CAMK1D: variants seen among roughly 807,000 people sequenced by gnomAD.
CAMK1D encodes calcium/calmodulin-dependent protein kinase type 1D.
In CAMK1D, 9 loss-of-function variants were observed where a neutral mutation model predicts 47.7. The observed-to-expected ratio is 0.19, with a 90% CI of 0.11 to 0.33. CAMK1D has a LOEUF of 0.33. CAMK1D is among the 10% of genes least tolerant of loss of function. The pLI, the probability that CAMK1D is intolerant of heterozygous loss-of-function variation, is 1.00. For missense variants in CAMK1D, 291 were observed against 488.7 expected (o/e 0.60, Z 3.81); for synonymous variants, 184 against 184.9 (o/e 0.99, Z 0.04).
intron 2 of CAMK1D, among the ~76,000 whole-genome samples, chr10:12,625,010 C>T (rs997191145): frequency 2.0e-5 from 3 of 151,808 alleles, no homozygotes; most frequent in African/African-American, 7.3e-5. Context: ...CCTCCTCCTC[C>T]TCCTCCTCCT....
chr10:12,781,317 C>T (rs1837481799), intron 5 of CAMK1D, among the ~76,000 whole-genome samples: 1 of 152,262 alleles, frequency 6.6e-6, no homozygotes, highest in Admixed American at 6.5e-5. Context: ...AGCAGGTAGG[C>T]CCCCATGGGA....
At chr10:12,549,939 C>T (rs917131046) in intron 1 of CAMK1D, among the ~76,000 whole-genome samples, 2 of 152,172 alleles carry the variant, frequency 1.3e-5, no homozygotes, top group African/African-American at 2.4e-5. Context: ...TTCCTCCAAG[C>T]GAGGAAATGC....
At chr10:12,633,113 T>C (rs1221458171) in intron 2 of CAMK1D, among the ~76,000 whole-genome samples, 1 of 152,206 alleles carries the variant, frequency 6.6e-6, no homozygotes, top group Non-Finnish European at 1.5e-5. Context: ...GCTCTGATAG[T>C]TACACAGGAG....
intron 1 of CAMK1D, among the ~76,000 whole-genome samples, chr10:12,368,436 G>A (rs543082954): frequency 6.6e-6 from 1 of 152,092 alleles, no homozygotes; most frequent in African/African-American, 2.4e-5. Flanking sequence ...TAAATGAATG[G>A]ATAAGTGGAA....
At chr10:12,535,433 C>A (rs1835938999) in intron 1 of CAMK1D, among the ~76,000 whole-genome samples, 1 of 152,206 alleles carries the variant, frequency 6.6e-6, no homozygotes, top group Non-Finnish European at 1.5e-5. Context: ...GTGGTTAACT[C>A]TACCCCATTA....
At chr10:12,607,512 C>T (rs1403320202) in intron 2 of CAMK1D, among the ~76,000 whole-genome samples, 3 of 152,318 alleles carry the variant, frequency 2.0e-5, no homozygotes, top group Admixed American at 1.3e-4. Context: ...GAGCGGGTCC[C>T]GTGTCTGTCT....
chr10:12,482,439 G>C (rs1412840737), intron 1 of CAMK1D, among the ~76,000 whole-genome samples: 1 of 152,178 alleles, frequency 6.6e-6, no homozygotes, highest in East Asian at 1.9e-4. Context: ...TCCTGCTAAA[G>C]AAATCTCACC....
At chr10:12,623,675 T>C (rs1475542451) in intron 2 of CAMK1D, among the ~76,000 whole-genome samples, 1 of 151,926 alleles carries the variant, frequency 6.6e-6, no homozygotes, top group Non-Finnish European at 1.5e-5. Context: ...TACCGGTAGC[T>C]TAGGCTGAGT....
chr10:12,801,879 C>T (rs1024840943), intron 6 of CAMK1D, among the ~76,000 whole-genome samples: 4 of 152,182 alleles, frequency 2.6e-5, no homozygotes, highest in African/African-American at 7.2e-5. Context: ...GTGGGTGACT[C>T]ATTTCCCCAG....
At chr10:12,575,627 G>T (rs1837468309) in intron 2 of CAMK1D, among the ~76,000 whole-genome samples, 1 of 152,124 alleles carries the variant, frequency 6.6e-6, no homozygotes, top group South Asian at 2.1e-4. Flanking sequence ...CTTATAATTT[G>T]ATCTTTTAGA....
chr10:12,776,238 G>T (rs1156709691), intron 5 of CAMK1D, among the ~76,000 whole-genome samples: 4 of 152,226 alleles, frequency 2.6e-5, no homozygotes, highest in African/African-American at 9.6e-5. Flanking sequence ...GGGTTTGAGA[G>T]AAAGAAAGAA....
rs1835689817 is a variant in CAMK1D at position 12,528,233 on chromosome 10, A to G, written c.93-24992A>G. The stretch of plus-strand genomic sequence containing the variant: ...TCAAAAGTCCACAGACATAACTACA[A>G]TTATACAATAAGAAGAAGCATGTTA... On this transcript the variant is annotated intron_variant, in intron 1 of 10. Coordinates refer to ENST00000619168, the MANE Select transcript of CAMK1D (RefSeq NM_153498.4). 2.0e-5 allele frequency among the ~76,000 whole-genome samples: 3 copies of G among 152,252 alleles called. No homozygotes were observed. The South Asian group carries it at 6.2e-4, about 32-fold the overall frequency.
intron 3 of CAMK1D, among the ~76,000 whole-genome samples, chr10:12,731,586 G>A (rs139214385): frequency 6.6e-6 from 1 of 152,334 alleles, no homozygotes; most frequent in Admixed American, 6.5e-5. Context: ...CCAGAGCCAT[G>A]GCTTTGCCAA....
intron 1 of CAMK1D, among the ~76,000 whole-genome samples, chr10:12,424,618 A>G (rs1564331639): frequency 6.6e-6 from 1 of 152,096 alleles, no homozygotes; most frequent in East Asian, 1.9e-4. Flanking sequence ...TGATTCTCAA[A>G]GTACAAGTCT....
intron 1 of CAMK1D, among the ~76,000 whole-genome samples, chr10:12,372,006 C>A (rs1001320571): frequency 2.6e-5 from 4 of 152,126 alleles, no homozygotes; most frequent in Admixed American, 2.6e-4. Flanking sequence ...TGCACCTTTT[C>A]CGTATCTTGA....
At chr10:12,817,721 GTC>G (rs1832853323) in intron 8 of CAMK1D, among the ~76,000 whole-genome samples, 1 of 152,118 alleles carries the variant, frequency 6.6e-6, no homozygotes, top group South Asian at 2.1e-4. Flanking sequence ...TTGAGATGGA[GTC>G]TCCGTCACCC....
chr10:12,447,851 TTTA>T (rs1238461118), intron 1 of CAMK1D, among the ~76,000 whole-genome samples: 1 of 152,070 alleles, frequency 6.6e-6, no homozygotes, highest in African/African-American at 2.4e-5. Context: ...TTTACTTATT[TTTA>T]TTATTATTAT....
chr10:12,418,716 C>T (rs1486312780), intron 1 of CAMK1D, among the ~76,000 whole-genome samples: 1 of 151,964 alleles, frequency 6.6e-6, no homozygotes, highest in African/African-American at 2.4e-5. Context: ...ATTTGCTAGT[C>T]CAAAATGAAA....
At chr10:12,716,078 TA>T (rs1834122350) in intron 3 of CAMK1D, among the ~76,000 whole-genome samples, 1 of 152,134 alleles carries the variant, frequency 6.6e-6, no homozygotes. Context: ...GGCTCAGTGC[TA>T]AGCATCTATC....
Sources: gnomAD v4.1 joint callset for allele counts (sites outside exome capture counted in the v4.1 genomes callset) on GRCh38, gnomAD v4.1.1 for gene constraint, MANE v1.5 for transcripts, NCBI Gene and HGNC (gene_info 2026-07-23, HGNC 2026-07-21) for gene names.